CDH18: variants seen among roughly 807,000 people sequenced by gnomAD.
The protein encoded by CDH18 is cadherin 18, also known as cadherin-18.
CDH18 carries 31 observed loss-of-function variants against 67.9 expected under a neutral mutation model. The observed-to-expected ratio is 0.46, with a 90% CI of 0.34 to 0.62. The LOEUF is 0.62. Among genes scored for constraint, CDH18 ranks in the 20% least tolerant of loss-of-function variants. The pLI is 0.01. For synonymous variants in CDH18, 362 were observed against 347.2 expected (o/e 1.04, Z -0.48); for missense variants, 890 against 975.5 (o/e 0.91, Z 1.17).
At chr5:19,881,148 T>C (rs886490379) in intron 2 of CDH18, among the ~76,000 whole-genome samples, 14 of 152,114 alleles carry the variant, frequency 9.2e-5, no homozygotes, top group Non-Finnish European at 2.1e-4. Context: ...AGAGGGCAGA[T>C]ACAATATTAA....
intron 1 of CDH18, among the ~76,000 whole-genome samples, chr5:20,445,276 G>C (rs553291263): frequency 1.3e-5 from 2 of 152,200 alleles, no homozygotes; most frequent in East Asian, 3.9e-4. Flanking sequence ...TTGATTATCC[G>C]ATTTCTTAAA....
intron 1 of CDH18, among the ~76,000 whole-genome samples, chr5:20,497,168 A>G (rs116405160): frequency 0.012 from 1,751 of 152,220 alleles, 24 homozygotes; most frequent in African/African-American, 0.04. Flanking sequence ...GCAAAGAGGG[A>G]AATAGTAAGT....
chr5:20,042,961 C>CA (rs1157089004), intron 2 of CDH18, among the ~76,000 whole-genome samples: 1 of 150,570 alleles, frequency 6.6e-6, no homozygotes, highest in Non-Finnish European at 1.5e-5. Flanking sequence ...GACTCCGTCT[C>CA]AAAAAAATTA....
At chr5:20,252,220 G>A (rs886801619) in intron 2 of CDH18, among the ~76,000 whole-genome samples, 3 of 151,978 alleles carry the variant, frequency 2.0e-5, no homozygotes, top group Admixed American at 6.6e-5. Context: ...GCATGGTGGC[G>A]CGCGCCTTTA....
chr5:19,688,301 C>T (rs1405084034), intron 5 of CDH18, among the ~76,000 whole-genome samples: 1 of 152,158 alleles, frequency 6.6e-6, no homozygotes, highest in African/African-American at 2.4e-5. Context: ...TAGTGACAGT[C>T]ATGCTTATCC....
chr5:20,444,805 C>T (rs1265689753), intron 1 of CDH18, among the ~76,000 whole-genome samples: 2 of 149,574 alleles, frequency 1.3e-5, no homozygotes, highest in Non-Finnish European at 3.0e-5. Context: ...TGGCCATCAC[C>T]GTTCACTGCG....
At chr5:20,054,203 A>C (rs1741702907) in intron 2 of CDH18, among the ~76,000 whole-genome samples, 1 of 152,128 alleles carries the variant, frequency 6.6e-6, no homozygotes, top group Admixed American at 6.6e-5. Context: ...TACATCCCCA[A>C]ATATAAGGTA....
intron 1 of CDH18, among the ~76,000 whole-genome samples, chr5:20,513,540 C>T (rs1246141985): frequency 6.6e-6 from 1 of 152,090 alleles, no homozygotes; most frequent in Non-Finnish European, 1.5e-5. Flanking sequence ...CATAGATATT[C>T]AAATAACTTC....
At chr5:20,051,882 C>T (rs1741451318) in intron 2 of CDH18, among the ~76,000 whole-genome samples, 1 of 151,980 alleles carries the variant, frequency 6.6e-6, no homozygotes, top group Non-Finnish European at 1.5e-5. Flanking sequence ...AGAAACATCA[C>T]TCCAATACAA....
intron 5 of CDH18, among the ~76,000 whole-genome samples, chr5:19,614,057 C>T (rs1749432436): frequency 6.6e-6 from 1 of 151,888 alleles, no homozygotes; most frequent in East Asian, 1.9e-4. Context: ...TAACTGTTAC[C>T]TATAGGCTTT....
chr5:19,681,819 A>G (rs1257281001), intron 5 of CDH18, among the ~76,000 whole-genome samples: 2 of 151,946 alleles, frequency 1.3e-5, no homozygotes, highest in Admixed American at 1.3e-4. Flanking sequence ...TTGTCATATC[A>G]TAAAAAAAAT....
intron 5 of CDH18, among the ~76,000 whole-genome samples, chr5:19,634,361 A>C (rs914788341): frequency 6.6e-6 from 1 of 152,144 alleles, no homozygotes; most frequent in Non-Finnish European, 1.5e-5. Context: ...ATAGGGTCCA[A>C]ATCCTCTTCT....
At chr5:20,020,547 C>T (rs1395150788) in intron 2 of CDH18, among the ~76,000 whole-genome samples, 2 of 152,128 alleles carry the variant, frequency 1.3e-5, no homozygotes, top group African/African-American at 4.8e-5. Context: ...TGCTCCAGCT[C>T]CAGCCATGGA....
chr5:19,880,509 C>T (rs6869352), intron 2 of CDH18, among the ~76,000 whole-genome samples: 47,723 of 151,844 alleles, frequency 0.31, 8,226 homozygotes, highest in South Asian at 0.39. Flanking sequence ...ATTTGACAGT[C>T]TGTTGAAGAG....
intron 3 of CDH18, among the ~76,000 whole-genome samples, chr5:19,762,459 G>A (rs1424343168): frequency 6.6e-6 from 1 of 152,084 alleles, no homozygotes; most frequent in Non-Finnish European, 1.5e-5. Context: ...TTCAAAAGAA[G>A]ACATTTATGC....
intron 1 of CDH18, among the ~76,000 whole-genome samples, chr5:20,517,465 TA>T (rs1341991831): frequency 6.6e-6 from 1 of 151,866 alleles, no homozygotes; most frequent in Non-Finnish European, 1.5e-5. Flanking sequence ...TATTTTCAAT[TA>T]AAATATTACT....
intron 4 of CDH18, among the ~76,000 whole-genome samples, chr5:19,742,232 T>G (rs976511648): frequency 6.6e-6 from 1 of 152,134 alleles, no homozygotes; most frequent in African/African-American, 2.4e-5. Flanking sequence ...GGCTCCATAA[T>G]CATTACTTAG....
intron 8 of CDH18, among the ~76,000 whole-genome samples, chr5:19,570,667 A>G (rs1741232185): frequency 6.6e-6 from 1 of 152,136 alleles, no homozygotes; most frequent in Admixed American, 6.5e-5. Flanking sequence ...GATATCCAAG[A>G]AGTTTTACAC....
intron 4 of CDH18, among the ~76,000 whole-genome samples, chr5:19,741,290 CATACAT>C (rs1769160801): frequency 7.3e-6 from 1 of 136,466 alleles, no homozygotes; most frequent in Non-Finnish European, 1.6e-5. Context: ...TGTATATATA[CATACAT>C]ATATGTACAT....
Sources: gnomAD v4.1 joint callset for allele counts (sites outside exome capture counted in the v4.1 genomes callset) on GRCh38, gnomAD v4.1.1 for gene constraint, MANE v1.5 for transcripts, NCBI Gene and HGNC (gene_info 2026-07-23, HGNC 2026-07-21) for gene names.